The following TEX2 variants were observed in gnomAD, a reference collection of about 807,000 sequenced individuals.
The protein encoded by TEX2 is testis expressed 2.
In TEX2, 53 loss-of-function variants were observed where a neutral mutation model predicts 106.9. The ratio of observed to expected loss-of-function variants is 0.50; its 90% CI spans 0.40 to 0.62. The LOEUF is 0.62. TEX2 is among the 20% of genes least tolerant of loss of function. The pLI is 0.00. For synonymous variants in TEX2, 523 were observed against 534.8 expected, an observed-to-expected ratio of 0.98 and a Z score of 0.30; for missense variants, 1,207 against 1,379.0, an observed-to-expected ratio of 0.88 and a Z score of 1.98.
In TEX2 at chr17:64,191,313, T is replaced by A. The variant is rs1162640104; in HGVS notation, c.2176+2246A>T. 2.0e-5 allele frequency among the ~76,000 whole-genome samples: 3 copies of A among 152,172 alleles called. No individual in the cohort carries two copies. The East Asian group carries it at 5.8e-4, about 29-fold the overall frequency. ...ACTCGTTAAAAATAATCAAATGCTT[T>A]ATTTAAGTCCATGAATAACATGCCT... On this transcript the variant is annotated intron_variant, in intron 4 of 11. Coordinates refer to ENST00000584379, the MANE Select transcript of TEX2 (RefSeq NM_001288732.2).
chr17:64,231,354 T>A (rs546330964), intron 1 of TEX2, among the ~76,000 whole-genome samples: 7 of 152,204 alleles, frequency 4.6e-5, no homozygotes, highest in South Asian at 2.1e-4. Context: ...CCAAGTACCA[T>A]ATATGTGCTT....
At chr17:64,156,566 T>C (rs1347297853) in intron 8 of TEX2, among the ~76,000 whole-genome samples, 1 of 152,200 alleles carries the variant, frequency 6.6e-6, no homozygotes, top group Non-Finnish European at 1.5e-5. Flanking sequence ...GAATCTTATA[T>C]TTAAAATGTA....
At chr17:64,242,876 A>G (rs145730334) in intron 1 of TEX2, among the ~76,000 whole-genome samples, 21 of 152,118 alleles carry the variant, frequency 1.4e-4, no homozygotes, top group African/African-American at 4.8e-4. Context: ...ACTTGCGGCC[A>G]GAGTTTGAGA....
chr17:64,189,353 C>T (rs181477645), intron 4 of TEX2, among the ~76,000 whole-genome samples: 7 of 152,302 alleles, frequency 4.6e-5, no homozygotes, highest in Non-Finnish European at 2.9e-5. Context: ...GTGACATCTA[C>T]GCTGTATCTT....
intron 1 of TEX2, among the ~76,000 whole-genome samples, chr17:64,218,077 C>A (rs1555632839): frequency 6.6e-6 from 1 of 152,008 alleles, no homozygotes; most frequent in Non-Finnish European, 1.5e-5. Context: ...ACAATGAATA[C>A]ATTGAAAAAA....
rs2030322389 is a variant in TEX2, at chr17:64,150,955, A to G, written c.3147T>C (p.Gly1049=). The G allele has an allele frequency of 6.2e-7, 1 of 1,613,732 alleles. No individual in the cohort carries two copies. The highest frequency in any genetic ancestry group is 8.5e-7 in the Non-Finnish European group (1 of 1,179,834). ...PPPPTDRVWY[G]FRKPPHVELK... The stretch of plus-strand genomic sequence containing the variant: ...GCTCCACATGTGGTGGCTTTCGGAA[A>G]CCATACCTTTTTGAAGACAAGTAAT... The change falls in exon 11 of 12, where the codon GGT becomes GGC. Residue 1049 remains glycine, a synonymous_variant. Transcript: ENST00000584379.
chr17:64,255,131 C>A (rs1555637507), intron 1 of TEX2, among the ~76,000 whole-genome samples: 1 of 149,484 alleles, frequency 6.7e-6, no homozygotes, highest in Non-Finnish European at 1.5e-5. Flanking sequence ...TCCCAAAGTG[C>A]TGGGATTGCA....
At chr17:64,257,614 C>T (rs781784076) in intron 1 of TEX2, among the ~76,000 whole-genome samples, 8 of 152,194 alleles carry the variant, frequency 5.3e-5, no homozygotes, top group Admixed American at 2.0e-4. Context: ...ACGCCGTAGG[C>T]GCTACCTACT....
chr17:64,260,531 G>C (rs1027398997), intron 1 of TEX2, among the ~76,000 whole-genome samples: 2 of 152,136 alleles, frequency 1.3e-5, no homozygotes, highest in South Asian at 4.1e-4. Flanking sequence ...CATCTAACCA[G>C]CTTGTCACCT....
At chr17:64,157,442 C>A (rs138077487) in intron 8 of TEX2, among the ~76,000 whole-genome samples, 1 of 152,344 alleles carries the variant, frequency 6.6e-6, no homozygotes, top group East Asian at 1.9e-4. Context: ...ATGACCACCA[C>A]CTCTGATGAC....
chr17:64,236,358 A>G (rs12938459), intron 1 of TEX2, among the ~76,000 whole-genome samples: 36,616 of 151,888 alleles, frequency 0.24, 4,855 homozygotes, highest in African/African-American at 0.35. Flanking sequence ...AGCCCCAGGA[A>G]TTTGAGACCA....
intron 11 of TEX2, 152 bp from the exon 12 acceptor site, chr17:64,149,243 T>C (rs2030218079): frequency 2.6e-6 from 2 of 756,252 alleles, no homozygotes; most frequent in East Asian, 2.8e-5. Context: ...CCACCATACA[T>C]ACTTTAGAAA....
intron 4 of TEX2, among the ~76,000 whole-genome samples, chr17:64,192,879 T>C (rs888392844): frequency 6.6e-6 from 1 of 152,216 alleles, no homozygotes; most frequent in Non-Finnish European, 1.5e-5. Flanking sequence ...TTCAGATCCA[T>C]GTAAGAAAGC....
rs62073142 is a variant in TEX2 at position 64,163,466 on chromosome 17, C to T, written c.2672-2533G>A. Among the ~76,000 whole-genome samples the T allele has an allele frequency of 6.1e-3, 927 of 152,264 alleles. 2 individuals carry two copies. Among genetic ancestry groups the T allele is most frequent in the Non-Finnish European group, 9.2e-3 (629 of 68,016 alleles). ...GGAATGGTTTAAGAACTTTTAAAAG[C>T]AGACATGAATGGTAAATAAATATTC... On this transcript the variant is annotated intron_variant, in intron 7 of 11. Transcript: ENST00000584379.
At position 64,148,247 on chromosome 17, in the gene TEX2, GTC is replaced by G. The variant is rs1346001249; in HGVS notation, c.*720_*721del. ...GTTTGATGTTTTCACATACGCTCCT[GTC>G]TCAGGAAAACATTCAAGATTAGCTA... On this transcript the variant is annotated 3_prime_UTR_variant, in exon 12 of 12. Transcript: ENST00000584379. The G allele has an allele frequency of 6.6e-6, 1 of 152,632 alleles. No individual in the cohort carries two copies. The highest frequency in any genetic ancestry group is 1.9e-4 in the East Asian group (1 of 5,202). 9.5% of individuals were successfully genotyped at this position (152,632 alleles called of 1,614,324 possible).
At chr17:64,151,069 GTTA>G (rs2030329769) in intron 10 of TEX2, 108 bp from the exon 11 acceptor site, 1 of 1,275,356 alleles carries the variant, frequency 7.8e-7, no homozygotes, top group Admixed American at 2.3e-5. Context: ...TACTTAAAAT[GTTA>G]TTTTCTTCTG....
Position 64,177,460 on chromosome 17 carries a change from A to T in TEX2, c.2436T>A (p.Val812=), listed in dbSNP as rs1171268771. Residue 812 remains valine, a synonymous_variant, in exon 6 of 12, where the codon GTT becomes GTA. Coordinates refer to ENST00000584379, the MANE Select transcript of TEX2 (RefSeq NM_001288732.2). ...SPTAGKKLPE[V]PPSEEEEQEA... ...CCTGTTCTTCCTCCTCAGAGGGTGGAACCTCTGGCAACTGGCAAAAGAAAA... is the reference window on the plus strand; with the variant it reads ...CCTGTTCTTCCTCCTCAGAGGGTGGTACCTCTGGCAACTGGCAAAAGAAAA... The T allele has an allele frequency of 6.2e-7, 1 of 1,612,272 alleles. No individual in the cohort carries two copies. The highest frequency in any genetic ancestry group is 1.3e-5 in the African/African-American group (1 of 74,778).
chr17:64,214,052 A>G lies in TEX2; in HGVS notation c.166T>C (p.Phe56Leu). Residue 56 changes from phenylalanine (F) to leucine (L), a missense_variant, in exon 2 of 12, where the codon TTT becomes CTT. Around this residue, in one of 3 missense-constraint regions of TEX2, gnomAD observed 1,067 missense variants for 1,193.6 expected, o/e 0.89. Coordinates refer to ENST00000584379, the MANE Select transcript of TEX2 (RefSeq NM_001288732.2). ...CTTTGGTCATCCAGCCCCTCCTCAA[A>G]GTACTCCCTGAACTCCTCCTCCTCT... is the stretch of plus-strand genomic sequence containing the variant. ...EEEEEEFREY[F>L]EEGLDDQSIV... 1 of 1,614,148 alleles carries G rather than the reference A, an allele frequency of 6.2e-7. No homozygotes were observed. Among genetic ancestry groups the G allele is most frequent in the Non-Finnish European group, 8.5e-7 (1 of 1,180,022 alleles).
chr17:64,160,692 G>A (rs1567908640), intron 8 of TEX2, 109 bp downstream of exon 8: 8 of 1,352,150 alleles, frequency 5.9e-6, no homozygotes, highest in Non-Finnish European at 7.1e-6. Flanking sequence ...TTACACAGAA[G>A]CTCACTCAAC....
Sources: allele counts gnomAD v4.1 joint callset (sites outside exome capture counted in the v4.1 genomes callset), GRCh38; gene constraint gnomAD v4.1.1; regional missense constraint gnomAD v4.1.1; transcripts MANE v1.5; gene names NCBI Gene and HGNC (gene_info 2026-07-23, HGNC 2026-07-21).